The following ACAP2 variants were observed in gnomAD, a reference collection of about 807,000 sequenced individuals.
ACAP2 encodes the protein arf-GAP with coiled-coil, ANK repeat and PH domain-containing protein 2.
ACAP2 carries 39 observed loss-of-function variants against 115.8 expected under a neutral mutation model. The ratio of observed to expected loss-of-function variants is 0.34; its 90% CI spans 0.26 to 0.44. The LOEUF is 0.44. Ranked by LOEUF, ACAP2 falls within the 20% of genes least tolerant of loss-of-function variation. ACAP2 has a pLI of 1.00. For missense variants in ACAP2, 662 were observed against 927.6 expected, an observed-to-expected ratio of 0.71 and a Z score of 3.72; for synonymous variants, 289 against 315.8, an observed-to-expected ratio of 0.92 and a Z score of 0.90.
At position 195,381,151 on chromosome 3, in the gene ACAP2, G is replaced by T. The variant is rs113932085; in HGVS notation, c.232-89C>A. The T allele has an allele frequency of 1.1e-4, 105 of 919,500 alleles. 1 individual carries two copies. In the African/African-American group the frequency reaches 1.4e-3, roughly 12 times the overall value. The allele number at this position is 919,500 out of a possible 1,614,324, so 57.0% of individuals were successfully genotyped here. A position where few individuals can be genotyped will look rare whatever the true frequency, so the allele number is the denominator to read the frequency against. On this transcript the variant is annotated intron_variant, in intron 3 of 22. Coordinates refer to ENST00000326793, the MANE Select transcript of ACAP2 (RefSeq NM_012287.6). ...TGTGACCTCAGAATTTCTGACAGAA[G>T]ATCAAGTTACACTGTAAACAGTAAC...
chr3:195,297,353 C>A (rs1727723156), intron 15 of ACAP2, 72 bp from the exon 16 acceptor site: 1 of 1,352,612 alleles, frequency 7.4e-7, no homozygotes, highest in South Asian at 1.3e-5. Context: ...ATTTAAAAAT[C>A]CTTTAAGCAA....
rs560295894 is a variant in ACAP2, at chr3:195,413,570, G to A, written c.54-21423C>T. Among the ~76,000 whole-genome samples the A allele has an allele frequency of 6.6e-5, 10 of 152,128 alleles. No individual in the cohort carries two copies. In the South Asian group the frequency reaches 8.3e-4, roughly 13 times the overall value. On this transcript the variant is annotated intron_variant, in intron 1 of 22. Coordinates refer to ENST00000326793, the MANE Select transcript of ACAP2 (RefSeq NM_012287.6). ...TTGAGACCAGCCTGTCCAACATTGC[G>A]AAACCCTGTCTCTACGAAAAATACA...
At chr3:195,292,724 C>T (rs575502890) in intron 18 of ACAP2, among the ~76,000 whole-genome samples, 2 of 152,084 alleles carry the variant, frequency 1.3e-5, no homozygotes, top group African/African-American at 4.8e-5. Flanking sequence ...GAGTTTGAAA[C>T]TAGCCTGGCC....
chr3:195,374,620 G>A (rs569134431), intron 4 of ACAP2, among the ~76,000 whole-genome samples: 49 of 152,272 alleles, frequency 3.2e-4, no homozygotes, highest in African/African-American at 1.1e-3. Flanking sequence ...GCAGTTTCTC[G>A]TCATTAACAA....
At chr3:195,316,083 A>ATCCC (rs1177074884) in intron 10 of ACAP2, among the ~76,000 whole-genome samples, 2 of 152,068 alleles carry the variant, frequency 1.3e-5, no homozygotes, top group Admixed American at 6.6e-5. Context: ...ACTTTGTTAA[A>ATCCC]CTTTAAGTAG....
intron 4 of ACAP2, among the ~76,000 whole-genome samples, chr3:195,357,236 G>A (rs891308192): frequency 1.3e-5 from 2 of 152,040 alleles, no homozygotes; most frequent in African/African-American, 2.4e-5. Flanking sequence ...TCCACTGCCT[G>A]GGGAGAGGAA....
At chr3:195,389,473 T>A (rs1734513454) in intron 2 of ACAP2, among the ~76,000 whole-genome samples, 1 of 152,200 alleles carries the variant, frequency 6.6e-6, no homozygotes, top group African/African-American at 2.4e-5. Context: ...AATACATATG[T>A]AATAATATAT....
In ACAP2 at chr3:195,401,363, T is replaced by C. The variant is rs559766316; in HGVS notation, c.54-9216A>G. ...CCACCTTCATGCATGATATCACATG[T>C]GTATATTAAGAGAAGACTAGGCTGG... On this transcript the variant is annotated intron_variant, in intron 1 of 22. Coordinates refer to ENST00000326793, the MANE Select transcript of ACAP2 (RefSeq NM_012287.6). Among the ~76,000 whole-genome samples, 5 of 152,282 alleles carry C rather than the reference T, an allele frequency of 3.3e-5. No homozygotes were observed. The South Asian group carries it at 1.0e-3, about 32-fold the overall frequency.
intron 1 of ACAP2, among the ~76,000 whole-genome samples, chr3:195,394,350 A>T (rs547311604): frequency 1.3e-5 from 2 of 152,328 alleles, no homozygotes; most frequent in East Asian, 3.9e-4. Context: ...ACCTTTATTT[A>T]TCTTTACTCA....
intron 4 of ACAP2, chr3:195,349,790 T>C: frequency 3.0e-6 from 1 of 330,386 alleles, no homozygotes; most frequent in Non-Finnish European, 6.0e-6. Flanking sequence ...CCTCAGGCAC[T>C]CAAAGAGATC....
intron 15 of ACAP2, among the ~76,000 whole-genome samples, chr3:195,297,598 C>T (rs1727740281): frequency 6.6e-6 from 1 of 152,168 alleles, no homozygotes; most frequent in South Asian, 2.1e-4. Flanking sequence ...TCTATGTCCA[C>T]AGAAAGGCAA....
chr3:195,359,184 G>A (rs1260031109), intron 4 of ACAP2, among the ~76,000 whole-genome samples: 1 of 152,164 alleles, frequency 6.6e-6, no homozygotes. Flanking sequence ...AATGCTACAG[G>A]GAGGTTCTTC....
At chr3:195,401,364 G>A (rs1712276594) in intron 1 of ACAP2, among the ~76,000 whole-genome samples, 1 of 152,156 alleles carries the variant, frequency 6.6e-6, no homozygotes, top group East Asian at 1.9e-4. Context: ...TATCACATGT[G>A]TATATTAAGA....
intron 1 of ACAP2, among the ~76,000 whole-genome samples, chr3:195,433,411 A>G (rs1715290913): frequency 6.6e-6 from 1 of 152,214 alleles, no homozygotes; most frequent in African/African-American, 2.4e-5. Flanking sequence ...ATATAGTTTT[A>G]CTATTTCTTT....
chr3:195,306,176 A>G (rs1373862811), intron 13 of ACAP2, among the ~76,000 whole-genome samples: 2 of 152,152 alleles, frequency 1.3e-5, no homozygotes, highest in African/African-American at 4.8e-5. Context: ...GCTTTCATTC[A>G]GTTTTAAACA....
chr3:195,424,301 T>A lies in ACAP2; in HGVS notation c.53+18494A>T, dbSNP rs1289800235. 1.0e-3 allele frequency among the ~76,000 whole-genome samples: 101 copies of A among 97,506 alleles called. 3 individuals carry two copies. The highest frequency in any genetic ancestry group is 8.0e-3 in the East Asian group (16 of 1,994). 64.0% of individuals were successfully genotyped at this position (97,506 alleles called of 152,430 possible). A position where few individuals can be genotyped will look rare whatever the true frequency, so the allele number is the denominator to read the frequency against. ...TATATATATTTTTTTTTTTTTTTTT[T>A]TTTTTTTTTTTGAAACAGAGTCTCG... On this transcript the variant is annotated intron_variant, in intron 1 of 22. Coordinates refer to ENST00000326793, the MANE Select transcript of ACAP2 (RefSeq NM_012287.6).
At chr3:195,398,482 T>A (rs545814124) in intron 1 of ACAP2, among the ~76,000 whole-genome samples, 4 of 151,774 alleles carry the variant, frequency 2.6e-5, no homozygotes, top group African/African-American at 9.7e-5. Flanking sequence ...CTGTCTCTAC[T>A]AAAAATGCGC....
At chr3:195,306,976 T>C (rs1728468010) in intron 12 of ACAP2, 1 of 377,048 alleles carries the variant, frequency 2.7e-6, no homozygotes, top group Non-Finnish European at 4.7e-6. Context: ...TTCATCATAA[T>C]AGCTAAAACT....
intron 7 of ACAP2, among the ~76,000 whole-genome samples, chr3:195,334,217 A>AT (rs1264171512): frequency 7.7e-6 from 1 of 130,336 alleles, no homozygotes; most frequent in African/African-American, 3.1e-5. Flanking sequence ...AAAAAAAACT[A>AT]TTTTCAAAAA....
Sources: allele counts gnomAD v4.1 joint callset (sites outside exome capture counted in the v4.1 genomes callset), GRCh38; gene constraint gnomAD v4.1.1; transcripts MANE v1.5; gene names NCBI Gene and HGNC (gene_info 2026-07-23, HGNC 2026-07-21).